The following TFCP2 variants were observed in gnomAD, a reference collection of about 807,000 sequenced individuals.
The protein encoded by TFCP2 is alpha-globin transcription factor CP2.
TFCP2 carries 33 observed loss-of-function variants against 73.4 expected under a neutral mutation model. The ratio of observed to expected loss-of-function variants is 0.45; its 90% CI spans 0.34 to 0.60. The LOEUF (loss-of-function observed/expected upper bound fraction) is 0.60. TFCP2 is among the 20% of genes least tolerant of loss of function. TFCP2 has a pLI of 0.01. For synonymous variants in TFCP2, 193 were observed against 211.6 expected (o/e 0.91, Z 0.76); for missense variants, 352 against 604.0 (o/e 0.58, Z 4.37).
rs368002751 is a variant in TFCP2, at chr12:51,096,668, AT to A, written c.1420-629del. 6.0e-4 allele frequency among the ~76,000 whole-genome samples: 92 copies of A among 152,310 alleles called. No homozygotes were observed. The Middle Eastern group carries it at 0.02, about 34-fold the overall frequency. On this transcript the variant is annotated intron_variant, in intron 13 of 14. Transcript: ENST00000257915. ...GTCGTAAGACAGAGGATTCAAAATG[AT>A]TTTTTGGTAATATCACTATGTAATT...
intron 1 of TFCP2, among the ~76,000 whole-genome samples, chr12:51,126,424 G>A (rs566605903): frequency 7.9e-5 from 12 of 152,116 alleles, no homozygotes; most frequent in African/African-American, 2.9e-4. Context: ...ATGTAACTAG[G>A]ATTCCACAAA....
chr12:51,099,672 G>T lies in TFCP2; in HGVS notation c.1259C>A (p.Ser420Ter). Residue 420 changes from serine (S) to a stop codon, truncating the protein, a stop_gained, in exon 12 of 15, where the codon TCA becomes TAA. Coordinates refer to ENST00000257915, the MANE Select transcript of TFCP2 (RefSeq NM_005653.5). LOFTEE classifies it high-confidence loss of function. ...QQQQKHEDGD[S>*]NGTFFVYHAI... ...CAACCTACCGAAGAAAGTACCATTT[G>T]AGTCTCCATCCTCATGCTTCTGCTG... is the stretch of plus-strand genomic sequence containing the variant. 1 of 1,614,092 alleles carries T rather than the reference G, an allele frequency of 6.2e-7. No individual in the cohort carries two copies. Among genetic ancestry groups the T allele is most frequent in the South Asian group, 1.1e-5 (1 of 91,084 alleles).
intron 1 of TFCP2, among the ~76,000 whole-genome samples, chr12:51,164,197 C>T (rs1023908598): frequency 8.6e-5 from 13 of 151,630 alleles, no homozygotes; most frequent in African/African-American, 3.2e-4. Flanking sequence ...AGAGCACGGC[C>T]CCATTTCTCA....
chr12:51,124,508 AG>A (rs1250803469), intron 1 of TFCP2: 2 of 380,870 alleles, frequency 5.3e-6, no homozygotes, highest in South Asian at 2.0e-5. Context: ...TTTCTGGGGT[AG>A]GGGGGTAAGG....
chr12:51,098,559 G>A (rs1940025090), intron 13 of TFCP2, among the ~76,000 whole-genome samples: 1 of 152,028 alleles, frequency 6.6e-6, no homozygotes, highest in African/African-American at 2.4e-5. Context: ...CCAGGAGGAG[G>A]AGGTCGCAGT....
In TFCP2 at chr12:51,110,893, G is replaced by A. The variant is rs774343647; in HGVS notation, c.548C>T (p.Thr183Ile). 6.2e-7 allele frequency: 1 copy of A among 1,613,146 alleles called. No individual in the cohort carries two copies. The highest frequency in any genetic ancestry group is 1.7e-4 in the Middle Eastern group (1 of 6,056). Reference protein sequence around the residue: ...VEFLWDPAKRTSVFIQVHCIS... With the variant: ...VEFLWDPAKRISVFIQVHCIS... ...ACGCCTTACCTGAATAAACACAGAT[G>A]TCCTCTTTGCAGGGTCCCACAGGAA... Residue 183 changes from threonine to isoleucine, a missense_variant, in exon 5 of 15, where the codon ACA becomes ATA. Thr to Ile is a moderately conservative substitution (Grantham distance 89, BLOSUM62 -1). Around this residue, in one of 6 missense-constraint regions of TFCP2, gnomAD observed 31 missense variants for 43.7 expected, o/e 0.71. Coordinates refer to ENST00000257915, the MANE Select transcript of TFCP2 (RefSeq NM_005653.5).
intron 6 of TFCP2, among the ~76,000 whole-genome samples, chr12:51,108,890 A>G (rs1200209299): frequency 6.6e-6 from 1 of 152,228 alleles, no homozygotes; most frequent in Non-Finnish European, 1.5e-5. Context: ...GCTTTCAATG[A>G]GAATCCATGT....
At chr12:51,140,311 T>A (rs1359007328) in intron 1 of TFCP2, among the ~76,000 whole-genome samples, 2 of 152,020 alleles carry the variant, frequency 1.3e-5, no homozygotes, top group African/African-American at 4.8e-5. Context: ...CCATTTATAA[T>A]CCCAATACTT....
chr12:51,147,535 G>GC (rs1266946645), intron 1 of TFCP2, among the ~76,000 whole-genome samples: 5 of 151,608 alleles, frequency 3.3e-5, no homozygotes, highest in Non-Finnish European at 5.9e-5. Context: ...GAGGTGGGGG[G>GC]GGAAAGAGAG....
chr12:51,096,801 G>GA (rs1004492283), intron 13 of TFCP2, among the ~76,000 whole-genome samples: 11 of 151,764 alleles, frequency 7.2e-5, no homozygotes, highest in African/African-American at 2.7e-4. Flanking sequence ...ATATCTAGAG[G>GA]AAAAAAACAG....
intron 1 of TFCP2, among the ~76,000 whole-genome samples, chr12:51,133,334 C>T (rs1472132837): frequency 1.3e-5 from 2 of 151,364 alleles, no homozygotes; most frequent in Non-Finnish European, 2.9e-5. Context: ...TTCAGACGGT[C>T]TTGCTCTGTT....
At chr12:51,149,174 G>C in intron 1 of TFCP2, among the ~76,000 whole-genome samples, 1 of 152,068 alleles carries the variant, frequency 6.6e-6, no homozygotes, top group Admixed American at 6.6e-5. Flanking sequence ...CTCAGGAATG[G>C]AAAACCAAAC....
chr12:51,123,974 C>T lies in TFCP2; in HGVS notation c.123-5202G>A, dbSNP rs563396020. Among the ~76,000 whole-genome samples, 232 of 152,330 alleles carry T rather than the reference C, an allele frequency of 1.5e-3. 1 individual carries two copies. The highest frequency in any genetic ancestry group is 3.7e-3 in the Admixed American group (57 of 15,302). Reference sequence around the variant, plus strand: ...CTAAGAAATCAGGAGAGAGAGGACACCTAATTTCCCAAACAGGACAGTTTA... The same window carrying T: ...CTAAGAAATCAGGAGAGAGAGGACATCTAATTTCCCAAACAGGACAGTTTA... On this transcript the variant is annotated intron_variant, in intron 1 of 14. Transcript: ENST00000257915.
intron 3 of TFCP2, among the ~76,000 whole-genome samples, chr12:51,117,420 G>A (rs1330951763): frequency 6.6e-6 from 1 of 152,112 alleles, no homozygotes; most frequent in Non-Finnish European, 1.5e-5. Flanking sequence ...CTGAGCCAGG[G>A]GTGATTACCC....
Position 51,172,493 on chromosome 12 carries a change from G to A in TFCP2, c.-71C>T. On this transcript the variant is annotated 5_prime_UTR_variant, in exon 1 of 15. Transcript: ENST00000257915. The stretch of plus-strand genomic sequence containing the variant: ...GCGCGGAGGGTAATTCTACCCAACA[G>A]GAGTAACGCAAACCAAGAAAACTAC... 6.3e-7 allele frequency: 1 copy of A among 1,593,326 alleles called. No homozygotes were observed. Among genetic ancestry groups the A allele is most frequent in the Non-Finnish European group, 8.5e-7 (1 of 1,171,248 alleles).
rs144394318 is a variant in TFCP2 at position 51,108,686 on chromosome 12, A to G, written c.717+435T>C. 9.1e-4 allele frequency among the ~76,000 whole-genome samples: 138 copies of G among 152,032 alleles called. 2 individuals carry two copies. In the East Asian group the frequency reaches 0.025, roughly 28 times the overall value. ...TTACTGGGGAAGCTGAGGCAGGAAGATCAATTGAGCCCAGGAGGTTAAACT... is the reference window on the plus strand; with the variant it reads ...TTACTGGGGAAGCTGAGGCAGGAAGGTCAATTGAGCCCAGGAGGTTAAACT... On this transcript the variant is annotated intron_variant, in intron 6 of 14. Transcript: ENST00000257915.
In TFCP2 at chr12:51,120,177, CAAAAAAAAAAA is replaced by C. The variant is rs33982936; in HGVS notation, c.123-1416_123-1406del. On this transcript the variant is annotated intron_variant, in intron 1 of 14. Coordinates refer to ENST00000257915, the MANE Select transcript of TFCP2 (RefSeq NM_005653.5). ...TGGGCAACAAAGCAAGACTCTGTCT[CAAAAAAAAAAA>C]AAAAAAAAAAAAAGAACAACAACAA... 3.1e-3 allele frequency among the ~76,000 whole-genome samples: 176 copies of C among 57,304 alleles called. 1 individual carries two copies. The highest frequency in any genetic ancestry group is 7.2e-3 in the Admixed American group (27 of 3,748). The allele number at this position is 57,304 out of a possible 152,430, so 37.6% of individuals were successfully genotyped here. A position where few individuals can be genotyped will look rare whatever the true frequency, so the allele number is the denominator to read the frequency against.
intron 1 of TFCP2, among the ~76,000 whole-genome samples, chr12:51,154,878 T>G (rs1329617726): frequency 6.6e-6 from 1 of 152,070 alleles, no homozygotes; most frequent in Non-Finnish European, 1.5e-5. Flanking sequence ...GTGTGATGAT[T>G]TTTAGGTGTC....
At chr12:51,168,829 T>A (rs190833214) in intron 1 of TFCP2, among the ~76,000 whole-genome samples, 1 of 151,832 alleles carries the variant, frequency 6.6e-6, no homozygotes, top group East Asian at 2.0e-4. Context: ...TGAGATGCAG[T>A]CTGGCTCTGT....
Sources: gnomAD v4.1 joint callset for allele counts (sites outside exome capture counted in the v4.1 genomes callset) on GRCh38, gnomAD v4.1.1 for gene constraint, gnomAD v4.1.1 regional missense constraint, MANE v1.5 for transcripts, NCBI Gene and HGNC (gene_info 2026-07-23, HGNC 2026-07-21) for gene names.